BRINP3: variants seen among roughly 807,000 people sequenced by gnomAD.
BRINP3 encodes BMP/retinoic acid-inducible neural-specific protein 3.
Under a neutral mutation model 71.0 loss-of-function variants are expected in BRINP3, and 19 were observed. The ratio of observed to expected loss-of-function variants is 0.27; its 90% CI spans 0.19 to 0.39. The LOEUF is 0.39. Among genes scored for constraint, BRINP3 ranks in the 10% least tolerant of loss-of-function variants. The pLI, the probability that BRINP3 is intolerant of heterozygous loss-of-function variation, is 1.00. For missense variants in BRINP3, 959 were observed against 940.8 expected (o/e 1.02, Z -0.25); for synonymous variants, 380 against 337.7 (o/e 1.13, Z -1.37).
At chr1:190,441,383 C>T (rs764371862) in intron 2 of BRINP3, among the ~76,000 whole-genome samples, 2 of 152,068 alleles carry the variant, frequency 1.3e-5, no homozygotes, top group African/African-American at 2.4e-5. Context: ...TATCTCACAT[C>T]TGTCCAAGTC....
chr1:190,457,236 G>A (rs1676055638), intron 1 of BRINP3, among the ~76,000 whole-genome samples: 1 of 152,154 alleles, frequency 6.6e-6, no homozygotes, highest in Non-Finnish European at 1.5e-5. Context: ...GAGGTTGGGA[G>A]TTCAAGACCA....
intron 2 of BRINP3, among the ~76,000 whole-genome samples, chr1:190,346,670 AT>A (rs1321754853): frequency 6.6e-6 from 1 of 152,002 alleles, no homozygotes; most frequent in Non-Finnish European, 1.5e-5. Context: ...ATGCATTTAT[AT>A]TTTTCACCCT....
At chr1:190,203,577 G>T (rs1655203907) in intron 6 of BRINP3, among the ~76,000 whole-genome samples, 1 of 149,118 alleles carries the variant, frequency 6.7e-6, no homozygotes, top group African/African-American at 2.5e-5. Context: ...CTTCTAGAAT[G>T]TTATCATCAA....
At chr1:190,289,841 T>G (rs886904328) in intron 2 of BRINP3, among the ~76,000 whole-genome samples, 2 of 152,052 alleles carry the variant, frequency 1.3e-5, no homozygotes, top group Non-Finnish European at 2.9e-5. Flanking sequence ...TCTTGTTATA[T>G]GCACTCGTGG....
intron 2 of BRINP3, among the ~76,000 whole-genome samples, chr1:190,307,722 A>G (rs1026842650): frequency 3.3e-5 from 5 of 151,944 alleles, no homozygotes; most frequent in African/African-American, 1.2e-4. Flanking sequence ...AAGAGCTTCC[A>G]TATTAAGAAG....
chr1:190,332,250 G>A (rs1421998451), intron 2 of BRINP3, among the ~76,000 whole-genome samples: 2 of 152,126 alleles, frequency 1.3e-5, no homozygotes, highest in East Asian at 3.9e-4. Flanking sequence ...TTCTTTGACT[G>A]ATAGAAAGTA....
intron 4 of BRINP3, among the ~76,000 whole-genome samples, chr1:190,253,058 C>T (rs1383574639): frequency 6.6e-6 from 1 of 152,024 alleles, no homozygotes; most frequent in African/African-American, 2.4e-5. Flanking sequence ...ACAGTTTGCT[C>T]AGAATGATGG....
chr1:190,098,527 G>T lies in BRINP3; in HGVS notation c.1792C>A (p.Arg598=). Residue 598 remains arginine, a synonymous_variant, in exon 8 of 8, where the codon CGG becomes AGG. Transcript: ENST00000367462. ...TGCAGGGGTAGGTCCAACTTAGTCC[G>T]CTCCCAGTCTGGAAAGCTGTTTTCA... ...VNENSFPDWE[R]TKLDLPLQCY... 6.2e-7 allele frequency: 1 copy of T among 1,614,106 alleles called. No homozygotes were observed. Among genetic ancestry groups the T allele is most frequent in the Non-Finnish European group, 8.5e-7 (1 of 1,180,024 alleles).
chr1:190,421,315 TA>T lies in BRINP3; in HGVS notation c.236+33339del, dbSNP rs1264529834. 8.5e-3 allele frequency among the ~76,000 whole-genome samples: 726 copies of T among 84,926 alleles called. 4 individuals are homozygous for T. Among genetic ancestry groups the T allele is most frequent in the Middle Eastern group, 0.046 (7 of 152 alleles). 55.7% of individuals were successfully genotyped at this position (84,926 alleles called of 152,430 possible). The stretch of plus-strand genomic sequence containing the variant: ...TCATTATTATTATTATTATTATTAT[TA>T]TTATTATTATTGCCAGTTGAGGTAG... On this transcript the variant is annotated intron_variant, in intron 2 of 7. Coordinates refer to ENST00000367462, the MANE Select transcript of BRINP3 (RefSeq NM_199051.3).
intron 7 of BRINP3, among the ~76,000 whole-genome samples, chr1:190,102,462 G>A (rs1464190715): frequency 6.6e-6 from 1 of 152,116 alleles, no homozygotes; most frequent in East Asian, 1.9e-4. Context: ...ACATTGGTTA[G>A]ACACACTATT....
At chr1:190,366,292 C>G (rs1669495852) in intron 2 of BRINP3, among the ~76,000 whole-genome samples, 1 of 152,062 alleles carries the variant, frequency 6.6e-6, no homozygotes, top group Non-Finnish European at 1.5e-5. Context: ...CACAAGGTGG[C>G]AGCAAAGAGA....
At chr1:190,191,629 C>T (rs1654043416) in intron 6 of BRINP3, among the ~76,000 whole-genome samples, 1 of 152,012 alleles carries the variant, frequency 6.6e-6, no homozygotes. Flanking sequence ...TGTATATGTG[C>T]CACATTTTTT....
chr1:190,468,614 T>C (rs1676923284), intron 1 of BRINP3, among the ~76,000 whole-genome samples: 1 of 151,200 alleles, frequency 6.6e-6, no homozygotes, highest in South Asian at 2.1e-4. Context: ...ATATTAGCGT[T>C]ACATTTTTGA....
chr1:190,176,461 A>C (rs902251811), intron 6 of BRINP3, among the ~76,000 whole-genome samples: 8 of 152,220 alleles, frequency 5.3e-5, no homozygotes. Flanking sequence ...ATACGAAGTC[A>C]CTATTAGTAG....
chr1:190,213,526 G>T (rs775402102), intron 6 of BRINP3, among the ~76,000 whole-genome samples: 1 of 152,050 alleles, frequency 6.6e-6, no homozygotes, highest in Non-Finnish European at 1.5e-5. Flanking sequence ...AGAGGCAACT[G>T]CTTCTCAACT....
At chr1:190,396,237 A>G (rs1671559665) in intron 2 of BRINP3, among the ~76,000 whole-genome samples, 1 of 151,922 alleles carries the variant, frequency 6.6e-6, no homozygotes, top group South Asian at 2.1e-4. Flanking sequence ...CTTCACTTCT[A>G]AAGGAAGTTA....
At chr1:190,363,300 A>C (rs1362028549) in intron 2 of BRINP3, among the ~76,000 whole-genome samples, 1 of 152,166 alleles carries the variant, frequency 6.6e-6, no homozygotes, top group African/African-American at 2.4e-5. Context: ...TCTAGTCAAC[A>C]CCTTGATGCT....
intron 4 of BRINP3, among the ~76,000 whole-genome samples, chr1:190,262,328 C>G (rs2102864667): frequency 6.6e-6 from 1 of 152,236 alleles, no homozygotes; most frequent in East Asian, 1.9e-4. Flanking sequence ...TAAATTAAAC[C>G]CTGAAAGGTG....
intron 4 of BRINP3, among the ~76,000 whole-genome samples, chr1:190,235,644 GC>G (rs1448579196): frequency 5.9e-5 from 9 of 151,800 alleles, no homozygotes; most frequent in African/African-American, 2.2e-4. Flanking sequence ...ACATTCTGAT[GC>G]CTTGGGGTAT....
Sources: allele counts gnomAD v4.1 joint callset (sites outside exome capture counted in the v4.1 genomes callset), GRCh38; gene constraint gnomAD v4.1.1; transcripts MANE v1.5; gene names NCBI Gene and HGNC (gene_info 2026-07-23, HGNC 2026-07-21).